Variants in PMP22 observed in about 807,000 individuals in gnomAD.
PMP22 encodes the protein Charcot-Marie-Tooth neuropathy 1A (greatly reduced nerve conduction velocity, hereditary motor sensory neuropathy Ia).
In PMP22, 2 loss-of-function variants were observed where a neutral mutation model predicts 18.9. The ratio of observed to expected loss-of-function variants is 0.11; its 90% CI spans 0.04 to 0.33. The LOEUF (loss-of-function observed/expected upper bound fraction) is 0.33, where lower values mean the gene tolerates loss of function less well. PMP22 is among the 10% of genes least tolerant of loss of function. The pLI is 1.00. For missense variants in PMP22, 169 were observed against 202.2 expected, an observed-to-expected ratio of 0.84 and a Z score of 1.00; for synonymous variants, 95 against 89.2, an observed-to-expected ratio of 1.07 and a Z score of -0.37.
At position 15,259,967 on chromosome 17, in the gene PMP22, A is replaced by G. The variant is rs1909174392; in HGVS notation, c.78+683T>C. Among the ~76,000 whole-genome samples, 3 of 151,796 alleles carry G rather than the reference A, an allele frequency of 2.0e-5. No homozygotes were observed. The South Asian group carries it at 6.2e-4, about 32-fold the overall frequency. The stretch of plus-strand genomic sequence containing the variant: ...AAAAAAAAAAAAAAGAAAAGAAAAG[A>G]AAAGAAAACGAAAAAGAAAATCATG... On this transcript the variant is annotated intron_variant, in intron 2 of 4. Coordinates refer to ENST00000312280, the MANE Select transcript of PMP22 (RefSeq NM_000304.4).
At chr17:15,253,592 C>T (rs1485113800) in intron 3 of PMP22, among the ~76,000 whole-genome samples, 1 of 152,086 alleles carries the variant, frequency 6.6e-6, no homozygotes, top group Non-Finnish European at 1.5e-5. Flanking sequence ...CATCCATGTG[C>T]ACCCAACTCC....
intron 3 of PMP22, among the ~76,000 whole-genome samples, chr17:15,246,004 G>C (rs931615921): frequency 1.4e-5 from 2 of 144,108 alleles, no homozygotes; most frequent in African/African-American, 5.2e-5. Context: ...CTGGGCGACA[G>C]AGCAAGACTC....
intron 4 of PMP22, 98 bp from the exon 5 acceptor site, chr17:15,231,178 A>G: frequency 8.5e-7 from 1 of 1,180,998 alleles, no homozygotes; most frequent in Non-Finnish European, 1.2e-6. Flanking sequence ...GGTAGGAAGA[A>G]CATTTCTACC....
Position 15,229,925 on chromosome 17 carries a change from AT to A in PMP22, c.*991del, listed in dbSNP as rs1217849656. The stretch of plus-strand genomic sequence containing the variant: ...CTACAGTTGGTGGCCAATACAAGTC[AT>A]TGCCAGACAGTCCTTGGAGGCACAG... On this transcript the variant is annotated 3_prime_UTR_variant, in exon 5 of 5. Coordinates refer to ENST00000312280, the MANE Select transcript of PMP22 (RefSeq NM_000304.4). 6.6e-6 allele frequency: 1 copy of A among 152,654 alleles called. No individual in the cohort carries two copies. Among genetic ancestry groups the A allele is most frequent in the African/African-American group, 2.4e-5 (1 of 41,444 alleles). 9.5% of individuals were successfully genotyped at this position (152,654 alleles called of 1,614,324 possible).
intron 4 of PMP22, among the ~76,000 whole-genome samples, chr17:15,238,731 G>T (rs1448360101): frequency 6.6e-6 from 1 of 152,210 alleles, no homozygotes; most frequent in Admixed American, 6.5e-5. Flanking sequence ...AAAGTTGGAA[G>T]ATGTCACCCT....
intron 3 of PMP22, among the ~76,000 whole-genome samples, chr17:15,241,321 T>C (rs1175851828): frequency 6.6e-6 from 1 of 152,216 alleles, no homozygotes; most frequent in South Asian, 2.1e-4. Context: ...GCAATAAAGA[T>C]AATGTTCTCA....
chr17:15,247,275 A>G (rs1343716195), intron 3 of PMP22, among the ~76,000 whole-genome samples: 1 of 152,042 alleles, frequency 6.6e-6, no homozygotes, highest in African/African-American at 2.4e-5. Flanking sequence ...AGGCTGAGGC[A>G]GGAGAATGGT....
chr17:15,240,171 A>G (rs1379934364), intron 3 of PMP22, among the ~76,000 whole-genome samples: 1 of 152,094 alleles, frequency 6.6e-6, no homozygotes, highest in Non-Finnish European at 1.5e-5. Context: ...CCTGCCTACT[A>G]CCTTCCCTCT....
chr17:15,263,581 G>A (rs895727902), intron 1 of PMP22, among the ~76,000 whole-genome samples: 1 of 87,298 alleles, frequency 1.1e-5, no homozygotes, highest in African/African-American at 7.1e-5. Context: ...ACGCACGCGC[G>A]CGCACACACA....
chr17:15,246,664 C>T (rs1907844151), intron 3 of PMP22, among the ~76,000 whole-genome samples: 1 of 152,216 alleles, frequency 6.6e-6, no homozygotes, highest in Non-Finnish European at 1.5e-5. Flanking sequence ...ACCTGCTGTC[C>T]TCCAGGCCAC....
chr17:15,250,161 G>T (rs996288648), intron 3 of PMP22, among the ~76,000 whole-genome samples: 2 of 152,036 alleles, frequency 1.3e-5, no homozygotes, highest in Admixed American at 1.3e-4. Flanking sequence ...CTTGTAATCC[G>T]CCCGCCTCAG....
intron 3 of PMP22, among the ~76,000 whole-genome samples, chr17:15,246,036 A>G (rs1427467134): frequency 2.0e-5 from 3 of 151,776 alleles, no homozygotes; most frequent in African/African-American, 7.3e-5. Flanking sequence ...AAAAAAAAGA[A>G]AAAAGAAAAT....
At chr17:15,260,096 C>T (rs1909184068) in intron 2 of PMP22, among the ~76,000 whole-genome samples, 1 of 152,138 alleles carries the variant, frequency 6.6e-6, no homozygotes, top group Admixed American at 6.5e-5. Context: ...ATCTAATGGG[C>T]TGGACAGTTT....
intron 4 of PMP22, among the ~76,000 whole-genome samples, chr17:15,235,060 T>C (rs1268133601): frequency 6.6e-6 from 1 of 152,160 alleles, no homozygotes; most frequent in African/African-American, 2.4e-5. Context: ...CTTTAAGCAA[T>C]CCTCTCACCT....
intron 4 of PMP22, among the ~76,000 whole-genome samples, chr17:15,235,541 G>A (rs1320000418): frequency 6.6e-6 from 1 of 152,154 alleles, no homozygotes; most frequent in Non-Finnish European, 1.5e-5. Context: ...TCCAGACGCA[G>A]GATCAGGATG....
Position 15,230,250 on chromosome 17 carries a change from CTTG to C in PMP22, c.*664_*666del, listed in dbSNP as rs371508374. 55 of 153,736 alleles carry C rather than the reference CTTG, an allele frequency of 3.6e-4. No homozygotes were observed. The highest frequency in any genetic ancestry group is 1.2e-3 in the African/African-American group (48 of 41,436). The allele number at this position is 153,736 out of a possible 1,614,324, so 9.5% of individuals were successfully genotyped here. A position where few individuals can be genotyped will look rare whatever the true frequency, so the allele number is the denominator to read the frequency against. ...TAAATCCATAGCACCATTTCAAAGA[CTTG>C]TTGTCACTGATTTCTCATTTAGATG... is the stretch of plus-strand genomic sequence containing the variant. On this transcript the variant is annotated 3_prime_UTR_variant, in exon 5 of 5. Transcript: ENST00000312280.
At chr17:15,254,424 A>G (rs1428010437) in intron 3 of PMP22, among the ~76,000 whole-genome samples, 18 of 152,170 alleles carry the variant, frequency 1.2e-4, no homozygotes, top group African/African-American at 4.3e-4. Flanking sequence ...CAATGCTGAG[A>G]AGAGAAAGAA....
chr17:15,259,213 T>C lies in PMP22; in HGVS notation c.79-20A>G. 6.3e-7 allele frequency: 1 copy of C among 1,582,286 alleles called. No individual in the cohort carries two copies. The highest frequency in any genetic ancestry group is 8.7e-7 in the Non-Finnish European group (1 of 1,151,142). On this transcript the variant is annotated intron_variant, in intron 2 of 4. Coordinates refer to ENST00000312280, the MANE Select transcript of PMP22 (RefSeq NM_000304.4). ...CCATTGCTAGAGAGAATCAGATAGA[T>C]ATCCTGAGTCAGGGAGGGAGGGAGG...
In PMP22 at chr17:15,230,827, G is replaced by T. The variant is rs774341981; in HGVS notation, c.*90C>A. On this transcript the variant is annotated 3_prime_UTR_variant, in exon 5 of 5. Coordinates refer to ENST00000312280, the MANE Select transcript of PMP22 (RefSeq NM_000304.4). Reference sequence around the variant, plus strand: ...GGTTTGGTTTGAGTTTGGGATTTTGGGCTAGCTCTTTTTTCTTTGTCTGCT... The same window carrying T: ...GGTTTGGTTTGAGTTTGGGATTTTGTGCTAGCTCTTTTTTCTTTGTCTGCT... 3 of 1,442,760 alleles carry T rather than the reference G, an allele frequency of 2.1e-6. No homozygotes were observed. The highest frequency in any genetic ancestry group is 1.1e-5 in the South Asian group (1 of 86,982). The allele number at this position is 1,442,760 out of a possible 1,614,324, so 89.4% of individuals were successfully genotyped here. A position where few individuals can be genotyped will look rare whatever the true frequency, so the allele number is the denominator to read the frequency against.
Sources: gnomAD v4.1 joint callset for allele counts (sites outside exome capture counted in the v4.1 genomes callset) on GRCh38, gnomAD v4.1.1 for gene constraint, MANE v1.5 for transcripts, NCBI Gene and HGNC (gene_info 2026-07-23, HGNC 2026-07-21) for gene names.